The following BICC1 variants were observed in gnomAD, a reference collection of about 807,000 sequenced individuals.
BICC1 encodes the protein protein bicaudal C homolog 1.
In BICC1, 43 loss-of-function variants were observed where a neutral mutation model predicts 111.0. That is an observed-to-expected ratio of 0.39 (90% CI 0.30 to 0.50). BICC1 has a LOEUF of 0.50. Among genes scored for constraint, BICC1 ranks in the 20% least tolerant of loss-of-function variants. The probability of loss-of-function intolerance (pLI) is 0.88; values close to 1 mark genes in which losing one functional copy is unlikely to be tolerated. For synonymous variants in BICC1, 467 were observed against 434.4 expected, an observed-to-expected ratio of 1.07 and a Z score of -0.93; for missense variants, 1,091 against 1,203.2, an observed-to-expected ratio of 0.91 and a Z score of 1.38.
chr10:58,618,397 G>C (rs10740738), intron 1 of BICC1, among the ~76,000 whole-genome samples: 151,650 of 152,360 alleles, frequency 1, 75,471 homozygotes, highest in Middle Eastern at 1. Context: ...CCCATGTGAG[G>C]TCGTGCTTGG....
rs376408121 is a variant in BICC1 at position 58,632,696 on chromosome 10, T to C, written c.237+11795T>C. ...TAGATTAAGATGCCTTCCAGACCTG[T>C]GACTCCATGACCTGAATGTCCTAAT... On this transcript the variant is annotated intron_variant, in intron 2 of 20. Transcript: ENST00000373886. 2.0e-4 allele frequency among the ~76,000 whole-genome samples: 31 copies of C among 152,290 alleles called. No homozygotes were observed. The East Asian group carries it at 4.8e-3, about 24-fold the overall frequency.
At chr10:58,796,317 T>C (rs757479908) in intron 9 of BICC1, 23 bp from the exon 10 acceptor site, 17 of 1,605,966 alleles carry the variant, frequency 1.1e-5, no homozygotes, top group Admixed American at 1.0e-4. Context: ...TCACCTTTTT[T>C]CCCCCATTAT....
intron 3 of BICC1, among the ~76,000 whole-genome samples, chr10:58,709,992 T>C (rs111757803): frequency 7.0e-4 from 107 of 152,302 alleles, no homozygotes; most frequent in Admixed American, 1.2e-3. Flanking sequence ...GTTGTGGTTA[T>C]TTTAATTAGT....
chr10:58,693,068 T>G (rs1839959726), intron 2 of BICC1, among the ~76,000 whole-genome samples: 1 of 152,054 alleles, frequency 6.6e-6, no homozygotes, highest in Non-Finnish European at 1.5e-5. Flanking sequence ...TATCTATGTG[T>G]TCTCATTGTT....
In BICC1 at chr10:58,800,241, A is replaced by G. The variant is rs746779887; in HGVS notation, c.1773A>G (p.Glu591=). ...YGAISTSSLG[E]KVLSANHGDP... ...CAATATCCACTTCATCACTTGGAGA[A>G]AAAGTGCTGAGTGCAAATCACGGGG... The change falls in exon 13 of 21, where the codon GAA becomes GAG. Residue 591 remains glutamate (E), a synonymous_variant. Transcript: ENST00000373886. The G allele has an allele frequency of 2.5e-6, 4 of 1,611,222 alleles. No homozygotes were observed. The African/African-American group carries it at 4.0e-5, about 16-fold the overall frequency.
At chr10:58,670,948 C>T (rs933210448) in intron 2 of BICC1, among the ~76,000 whole-genome samples, 4 of 152,166 alleles carry the variant, frequency 2.6e-5, no homozygotes, top group African/African-American at 9.7e-5. Flanking sequence ...CCCCATAGAG[C>T]AGGCACTGTA....
chr10:58,717,421 C>G (rs1287673339), intron 3 of BICC1, among the ~76,000 whole-genome samples: 1 of 151,336 alleles, frequency 6.6e-6, no homozygotes, highest in Non-Finnish European at 1.5e-5. Context: ...GAGTGGCAAG[C>G]CTGGTATGCT....
chr10:58,816,554 G>A (rs1481692193), intron 18 of BICC1, among the ~76,000 whole-genome samples: 1 of 152,110 alleles, frequency 6.6e-6, no homozygotes, highest in Non-Finnish European at 1.5e-5. Context: ...CCTAGATTTG[G>A]CAGACACATG....
chr10:58,777,275 A>G (rs1842773276), intron 3 of BICC1, among the ~76,000 whole-genome samples: 1 of 152,022 alleles, frequency 6.6e-6, no homozygotes, highest in African/African-American at 2.4e-5. Flanking sequence ...TGGCATATGC[A>G]CAATTTACCT....
intron 3 of BICC1, among the ~76,000 whole-genome samples, chr10:58,754,103 GT>G (rs1842071258): frequency 1.3e-5 from 2 of 152,124 alleles, no homozygotes; most frequent in South Asian, 4.1e-4. Context: ...AAAACTGTAT[GT>G]TTTTGGCCAC....
At chr10:58,717,746 C>T (rs1840793804) in intron 3 of BICC1, among the ~76,000 whole-genome samples, 1 of 152,076 alleles carries the variant, frequency 6.6e-6, no homozygotes, top group Non-Finnish European at 1.5e-5. Context: ...TGCGTAAATT[C>T]TTAAAAGTAG....
intron 1 of BICC1, among the ~76,000 whole-genome samples, chr10:58,529,813 A>G (rs1165905156): frequency 1.3e-5 from 2 of 151,914 alleles, no homozygotes; most frequent in Non-Finnish European, 2.9e-5. Context: ...TATATTTACT[A>G]TCAGTAAATG....
intron 1 of BICC1, among the ~76,000 whole-genome samples, chr10:58,556,593 A>T (rs11006184): frequency 5.9e-4 from 89 of 152,058 alleles, no homozygotes; most frequent in African/African-American, 1.7e-3. Flanking sequence ...CTTTTTTTTT[A>T]AAAATCACTC....
At chr10:58,643,949 C>A (rs1313627064) in intron 2 of BICC1, among the ~76,000 whole-genome samples, 2 of 152,076 alleles carry the variant, frequency 1.3e-5, no homozygotes, top group African/African-American at 4.8e-5. Context: ...ATGGTTGTTT[C>A]CTGTTATGTG....
At chr10:58,573,788 G>T (rs1022973771) in intron 1 of BICC1, among the ~76,000 whole-genome samples, 1 of 152,024 alleles carries the variant, frequency 6.6e-6, no homozygotes. Flanking sequence ...TTCAAGCAGC[G>T]TGATTGACTT....
At chr10:58,697,572 A>G (rs903569285) in intron 2 of BICC1, among the ~76,000 whole-genome samples, 2 of 152,172 alleles carry the variant, frequency 1.3e-5, no homozygotes, top group African/African-American at 2.4e-5. Flanking sequence ...GATTTCAGCC[A>G]CATCTTCCTA....
At chr10:58,576,930 T>C (rs1258964699) in intron 1 of BICC1, among the ~76,000 whole-genome samples, 1 of 152,148 alleles carries the variant, frequency 6.6e-6, no homozygotes. Context: ...CATAGTTGTT[T>C]TAACGAAGAC....
intron 1 of BICC1, among the ~76,000 whole-genome samples, chr10:58,599,929 G>GGTGTGTGTGTGTGT (rs59937252): frequency 6.7e-6 from 1 of 149,784 alleles, no homozygotes; most frequent in Non-Finnish European, 1.5e-5. Flanking sequence ...AACTAAAGAG[G>GGTGTGTGTGTGTGT]GTGTGTGTGT....
intron 2 of BICC1, among the ~76,000 whole-genome samples, chr10:58,635,580 A>C (rs1196199679): frequency 6.6e-6 from 1 of 152,218 alleles, no homozygotes; most frequent in Non-Finnish European, 1.5e-5. Context: ...CTAAAAGACA[A>C]CTGTTACCTT....
Sources: allele counts gnomAD v4.1 joint callset (sites outside exome capture counted in the v4.1 genomes callset), GRCh38; gene constraint gnomAD v4.1.1; transcripts MANE v1.5; gene names NCBI Gene and HGNC (gene_info 2026-07-23, HGNC 2026-07-21).